MASP1: variants seen among roughly 807,000 people sequenced by gnomAD.
MASP1 encodes the protein mannan-binding lectin serine protease 1.
Under a neutral mutation model 77.1 loss-of-function variants are expected in MASP1, and 59 were observed. The ratio of observed to expected loss-of-function variants is 0.77; its 90% confidence interval spans 0.62 to 0.95. The LOEUF (loss-of-function observed/expected upper bound fraction) is 0.95. MASP1 is among the 40% of genes least tolerant of loss of function. The pLI, the probability that MASP1 is intolerant of heterozygous loss-of-function variation, is 0.00. For synonymous variants in MASP1, 362 were observed against 354.5 expected (o/e 1.02, Z -0.24); for missense variants, 885 against 912.9 (o/e 0.97, Z 0.39).
At chr3:187,225,437 T>G in exon 13 of MASP1, 1 of 1,614,192 alleles carries the variant, frequency 6.2e-7, no homozygotes. Flanking sequence ...GGGATCATAC[T>G]GGGGGTGGAG....
intron 2 of MASP1, among the ~76,000 whole-genome samples, chr3:187,282,264 C>T (rs568577978): frequency 1.3e-4 from 20 of 152,074 alleles, no homozygotes; most frequent in Non-Finnish European, 2.5e-4. Flanking sequence ...TTTGGGAGGC[C>T]GAGGTGGGAG....
At chr3:187,289,445 C>T (rs1215410940) in intron 1 of MASP1, among the ~76,000 whole-genome samples, 1 of 152,154 alleles carries the variant, frequency 6.6e-6, no homozygotes. Context: ...TTAACTTCAA[C>T]AGAAGAAGGG....
chr3:187,233,052 C>G (rs1469786244), downstream of MASP1, among the ~76,000 whole-genome samples: 2 of 152,198 alleles, frequency 1.3e-5, no homozygotes, highest in African/African-American at 4.8e-5. Context: ...ACTGCCCCTC[C>G]TCCTGTCTGC....
chr3:187,249,137 A>G (rs1267954446), intron 8 of MASP1, among the ~76,000 whole-genome samples: 2 of 152,182 alleles, frequency 1.3e-5, no homozygotes, highest in Admixed American at 6.5e-5. Context: ...GGCTCACTGC[A>G]ATCTCCGCCT....
At chr3:187,230,847 C>T (rs1034815705), downstream of MASP1, among the ~76,000 whole-genome samples, 1 of 152,222 alleles carries the variant, frequency 6.6e-6, no homozygotes, top group African/African-American at 2.4e-5. Context: ...ACTCCCAATT[C>T]TGGGCTTTTC....
At chr3:187,253,086 C>A (rs761219385) in intron 6 of MASP1, 82 bp downstream of exon 6, 55 of 1,581,606 alleles carry the variant, frequency 3.5e-5, no homozygotes, top group Non-Finnish European at 4.2e-5. Context: ...GAGATCCAAG[C>A]CTGCACACCT....
At chr3:187,224,673 C>G (rs1248997250) in intron 13 of MASP1, among the ~76,000 whole-genome samples, 2 of 152,198 alleles carry the variant, frequency 1.3e-5, no homozygotes, top group Admixed American at 1.3e-4. Context: ...CATTGTCCCC[C>G]AGCTTGAGAC....
At chr3:187,226,306 A>T in intron 12 of MASP1, 2 of 861,602 alleles carry the variant, frequency 2.3e-6, no homozygotes, top group South Asian at 2.9e-5. Context: ...CTGACAAATG[A>T]GTGAGCGAGT....
At chr3:187,259,012 T>C (rs191582726) in intron 4 of MASP1, among the ~76,000 whole-genome samples, 51 of 152,368 alleles carry the variant, frequency 3.3e-4, no homozygotes, top group Non-Finnish European at 5.9e-5. Context: ...TTGATTTTCT[T>C]GCTCCCAGTA....
chr3:187,256,482 AGAGATTCCTG>A, intron 5 of MASP1, 172 bp downstream of exon 5: 1 of 672,120 alleles, frequency 1.5e-6, no homozygotes, highest in Non-Finnish European at 2.6e-6. Context: ...ATTTCGGATC[AGAGATTCCTG>A]GAATAGATCT....
chr3:187,263,702 T>G (rs1487630726), intron 2 of MASP1, among the ~76,000 whole-genome samples: 1 of 152,176 alleles, frequency 6.6e-6, no homozygotes, highest in Non-Finnish European at 1.5e-5. Context: ...GTGTTAAGAC[T>G]TAGATGCAAA....
intron 2 of MASP1, among the ~76,000 whole-genome samples, chr3:187,273,927 C>T (rs1716738341): frequency 6.6e-6 from 1 of 152,320 alleles, no homozygotes; most frequent in South Asian, 2.1e-4. Flanking sequence ...TAATAATAAT[C>T]AGCCAGGCAC....
downstream of MASP1, among the ~76,000 whole-genome samples, chr3:187,230,595 C>T (rs1404597866): frequency 6.6e-6 from 1 of 152,226 alleles, no homozygotes; most frequent in East Asian, 1.9e-4. Context: ...AGCCCTTCCT[C>T]AGGGCCTTGT....
At chr3:187,273,709 C>G (rs577091710) in intron 2 of MASP1, among the ~76,000 whole-genome samples, 1 of 152,194 alleles carries the variant, frequency 6.6e-6, no homozygotes, top group African/African-American at 2.4e-5. Flanking sequence ...TTAAAGGCAC[C>G]TGATACCAGA....
At position 187,236,233 on chromosome 3, in the gene MASP1, G is replaced by A. The variant is rs1347733030; in HGVS notation, c.1638C>T (p.Asn546=). The A allele has an allele frequency of 6.2e-7, 1 of 1,614,240 alleles. No homozygotes were observed. Among genetic ancestry groups the A allele is most frequent in the Non-Finnish European group, 8.5e-7 (1 of 1,180,054 alleles). The change falls in exon 11 of 11, where the codon AAC becomes AAT. Residue 546 remains asparagine, a synonymous_variant. Coordinates refer to ENST00000296280, the MANE Select transcript of MASP1 (RefSeq NM_139125.4). ...CTATATCGTGGTTGTAGTTTTGGAT[G>A]TTGAAGTCTGGGTGGAGCACCACTC... The part of the protein sequence containing the change: ...AARVVLHPDF[N]IQNYNHDIAL...
intron 5 of MASP1, among the ~76,000 whole-genome samples, chr3:187,255,961 A>G (rs1715038845): frequency 6.6e-6 from 1 of 151,874 alleles, no homozygotes; most frequent in African/African-American, 2.4e-5. Context: ...ATTCAGCTCT[A>G]CTTGGATGTC....
chr3:187,247,414 A>G (rs1714186677), intron 8 of MASP1: 1 of 1,613,382 alleles, frequency 6.2e-7, no homozygotes, highest in African/African-American at 1.3e-5. Flanking sequence ...TCAAAGAGGG[A>G]TCAAGAGATA....
At chr3:187,259,995 G>A (rs73886131) in intron 4 of MASP1, among the ~76,000 whole-genome samples, 19,047 of 152,190 alleles carry the variant, frequency 0.13, 1,839 homozygotes, top group African/African-American at 0.27. Context: ...TCTCTGTCAA[G>A]GGTCACAACT....
intron 10 of MASP1, among the ~76,000 whole-genome samples, chr3:187,240,698 C>T (rs1472444272): frequency 1.3e-5 from 2 of 152,188 alleles, no homozygotes; most frequent in African/African-American, 4.8e-5. Context: ...ATGGTGCAAT[C>T]TCAGCTCACT....
Sources: allele counts gnomAD v4.1 joint callset (sites outside exome capture counted in the v4.1 genomes callset), GRCh38; gene constraint gnomAD v4.1.1; transcripts MANE v1.5; gene names NCBI Gene and HGNC (gene_info 2026-07-23, HGNC 2026-07-21).